TMEFF1: variants seen among roughly 807,000 people sequenced by gnomAD.
TMEFF1 encodes the protein transmembrane protein with EGF like and two follistatin like domains 1.
A neutral mutation model predicts 47.5 loss-of-function variants in TMEFF1; 20 were observed. The observed-to-expected ratio is 0.42, with a 90% CI of 0.30 to 0.61. TMEFF1 has a LOEUF of 0.61. TMEFF1 is among the 20% of genes least tolerant of loss of function. TMEFF1 has a pLI of 0.19. For missense variants in TMEFF1, 411 were observed against 471.1 expected, an observed-to-expected ratio of 0.87 and a Z score of 1.18; for synonymous variants, 162 against 166.3, an observed-to-expected ratio of 0.97 and a Z score of 0.20.
intron 5 of TMEFF1, among the ~76,000 whole-genome samples, chr9:100,525,920 A>G (rs180680841): frequency 9.9e-5 from 15 of 151,642 alleles, no homozygotes; most frequent in African/African-American, 3.2e-4. Flanking sequence ...TCTCTCTCCT[A>G]TATAGGGTAC....
intron 1 of TMEFF1, among the ~76,000 whole-genome samples, chr9:100,483,550 G>T (rs1837383664): frequency 6.6e-6 from 1 of 151,964 alleles, no homozygotes; most frequent in East Asian, 1.9e-4. Context: ...TTGTATTCTA[G>T]TATGAAAACA....
rs200149711 is a variant in TMEFF1 at position 100,516,687 on chromosome 9, C to T, written c.476C>T (p.Ser159Leu). ...SGSGEGEEEG[S>L]GAEVHRKHSK... is the part of the protein sequence containing the mutation. The stretch of plus-strand genomic sequence containing the variant: ...TCTTTTTAAACAGAAGAGGAAGGGT[C>T]AGGGGCAGAAGTTCACAGAAAACAC... Residue 159 changes from serine (S) to leucine (L), a missense_variant, in exon 5 of 10, where the codon TCA (serine) becomes TTA (leucine). Transcript: ENST00000374879. The T allele has an allele frequency of 6.2e-7, 1 of 1,613,084 alleles. No individual in the cohort carries two copies. Among genetic ancestry groups the T allele is most frequent in the Non-Finnish European group, 8.5e-7 (1 of 1,179,644 alleles).
Position 100,473,358 on chromosome 9 carries a change from C to G in TMEFF1, c.-187C>G, listed in dbSNP as rs1260545942. ...CGCACGCGCCCGGACCCGCCGACTC[C>G]GTCCCGAGCGCCGCGGGCCCGGGCC... On this transcript the variant is annotated 5_prime_UTR_variant, in exon 1 of 10. Coordinates refer to ENST00000374879, the MANE Select transcript of TMEFF1 (RefSeq NM_003692.5). This position sits in a 1 kb window ranked among gnomAD's most constrained non-coding sequence, Gnocchi z 5.4. 1 of 322,288 alleles carries G rather than the reference C, an allele frequency of 3.1e-6. No individual in the cohort carries two copies. The highest frequency in any genetic ancestry group is 5.1e-6 in the Non-Finnish European group (1 of 194,378). 20.0% of individuals were successfully genotyped at this position (322,288 alleles called of 1,614,324 possible).
At chr9:100,526,221 A>G (rs1838250835) in intron 5 of TMEFF1, among the ~76,000 whole-genome samples, 2 of 152,070 alleles carry the variant, frequency 1.3e-5, no homozygotes, top group Admixed American at 1.3e-4. Context: ...GATCTTTTGT[A>G]TATGATTTTT....
intron 1 of TMEFF1, among the ~76,000 whole-genome samples, chr9:100,474,208 T>G (rs1400002296): frequency 1.4e-5 from 2 of 144,166 alleles, no homozygotes; most frequent in African/African-American, 5.3e-5. Flanking sequence ...AGTGACCATG[T>G]GCTGATGTGC....
chr9:100,496,713 A>G (rs985464977), intron 1 of TMEFF1, among the ~76,000 whole-genome samples: 2 of 152,256 alleles, frequency 1.3e-5, no homozygotes, highest in Non-Finnish European at 2.9e-5. Flanking sequence ...CAGGTAAAAC[A>G]TTACAATTCA....
chr9:100,532,805 A>G (rs1380921981), intron 5 of TMEFF1, among the ~76,000 whole-genome samples: 1 of 152,162 alleles, frequency 6.6e-6, no homozygotes, highest in Admixed American at 6.5e-5. Context: ...TTATTGCGTC[A>G]TTATTCACAA....
At chr9:100,545,427 G>C (rs946556061) in intron 5 of TMEFF1, among the ~76,000 whole-genome samples, 1 of 152,184 alleles carries the variant, frequency 6.6e-6, no homozygotes, top group Non-Finnish European at 1.5e-5. Context: ...GTCCCTTTCA[G>C]CCATGGCTGG....
chr9:100,556,941 G>A (rs7853205), intron 7 of TMEFF1, among the ~76,000 whole-genome samples: 6,023 of 151,586 alleles, frequency 0.04, 381 homozygotes, highest in African/African-American at 0.14. Context: ...CCACCTCCTG[G>A]GTTCAAGTGA....
chr9:100,557,811 A>T (rs1025896272), intron 7 of TMEFF1, among the ~76,000 whole-genome samples: 1 of 148,330 alleles, frequency 6.7e-6, no homozygotes, highest in African/African-American at 2.5e-5. Flanking sequence ...AAGCTTCTTG[A>T]GGGCAAGGAC....
At chr9:100,538,944 G>T (rs539567811) in intron 5 of TMEFF1, among the ~76,000 whole-genome samples, 2 of 151,636 alleles carry the variant, frequency 1.3e-5, no homozygotes, top group East Asian at 1.9e-4. Context: ...TTGCTCTGTC[G>T]CCCAGGCTGG....
At chr9:100,500,698 G>C (rs1837740793) in intron 2 of TMEFF1, among the ~76,000 whole-genome samples, 1 of 152,138 alleles carries the variant, frequency 6.6e-6, no homozygotes, top group Non-Finnish European at 1.5e-5. Flanking sequence ...GACATCCTCA[G>C]GTATTGCCTC....
At chr9:100,553,302 CTTTTA>C (rs1377647369) in intron 7 of TMEFF1, among the ~76,000 whole-genome samples, 2 of 152,222 alleles carry the variant, frequency 1.3e-5, no homozygotes, top group African/African-American at 4.8e-5. Context: ...ACCTCATTTA[CTTTTA>C]TTTATTTATT....
chr9:100,486,956 G>A (rs1305212987), intron 1 of TMEFF1, among the ~76,000 whole-genome samples: 1 of 152,038 alleles, frequency 6.6e-6, no homozygotes, highest in Non-Finnish European at 1.5e-5. Context: ...GTTTATTTTT[G>A]CCTTGTCAGC....
At chr9:100,486,035 C>T (rs887861771) in intron 1 of TMEFF1, among the ~76,000 whole-genome samples, 6 of 149,828 alleles carry the variant, frequency 4.0e-5, no homozygotes, top group Non-Finnish European at 5.9e-5. Flanking sequence ...CAATTTCTCT[C>T]TCTCTTTTTT....
intron 1 of TMEFF1, among the ~76,000 whole-genome samples, chr9:100,496,242 T>TG (rs767227297): frequency 3.4e-4 from 52 of 152,214 alleles, no homozygotes; most frequent in Non-Finnish European, 6.0e-4. Context: ...GCTGTGTTTA[T>TG]GCCAAGTTCT....
chr9:100,489,221 CT>C (rs898552003), intron 1 of TMEFF1, among the ~76,000 whole-genome samples: 7 of 151,830 alleles, frequency 4.6e-5, no homozygotes, highest in African/African-American at 1.5e-4. Context: ...TTTCCTTTTT[CT>C]TTTTTTTGGA....
intron 5 of TMEFF1, among the ~76,000 whole-genome samples, chr9:100,523,769 C>T (rs182869170): frequency 2.6e-5 from 4 of 152,058 alleles, no homozygotes; most frequent in African/African-American, 9.7e-5. Context: ...AGTAATAATA[C>T]CATTCAGATG....
chr9:100,557,990 T>C (rs749882266), intron 7 of TMEFF1, among the ~76,000 whole-genome samples: 2 of 152,268 alleles, frequency 1.3e-5, no homozygotes, highest in Non-Finnish European at 2.9e-5. Context: ...TTATTAGACA[T>C]GTTCATGTTT....
Sources: gnomAD v4.1 joint callset for allele counts (sites outside exome capture counted in the v4.1 genomes callset) on GRCh38, gnomAD v4.1.1 for gene constraint, Gnocchi (gnomAD v3.1) non-coding constraint, MANE v1.5 for transcripts, NCBI Gene and HGNC (gene_info 2026-07-23, HGNC 2026-07-21) for gene names.